CDC14B: variants seen among roughly 807,000 people sequenced by gnomAD.
The protein encoded by CDC14B is cell division cycle 14B, also known as dual specificity protein phosphatase CDC14B.
CDC14B carries 22 observed loss-of-function variants against 64.2 expected under a neutral mutation model. The ratio of observed to expected loss-of-function variants is 0.34; its 90% CI spans 0.24 to 0.49. The LOEUF is 0.49. CDC14B is among the 20% of genes least tolerant of loss of function. The pLI is 0.99. For missense variants in CDC14B, 498 were observed against 629.9 expected, an observed-to-expected ratio of 0.79 and a Z score of 2.24; for synonymous variants, 191 against 215.8, an observed-to-expected ratio of 0.89 and a Z score of 1.01.
At chr9:96,581,614 T>G (rs1407898101) in intron 1 of CDC14B, among the ~76,000 whole-genome samples, 1 of 152,106 alleles carries the variant, frequency 6.6e-6, no homozygotes, top group Non-Finnish European at 1.5e-5. Context: ...TTACAGTGGT[T>G]ATCAAGGATT....
At position 96,600,631 on chromosome 9, in the gene CDC14B, CA is replaced by C. The variant is rs1846373474; in HGVS notation, c.160+18587del. 2.0e-5 allele frequency among the ~76,000 whole-genome samples: 3 copies of C among 152,000 alleles called. No homozygotes were observed. In the South Asian group the frequency reaches 6.2e-4, roughly 32 times the overall value. On this transcript the variant is annotated intron_variant, in intron 1 of 13. Transcript: ENST00000375241. ...GATTCTCCGGCCTCAGCCTCCTGAG[CA>C]GCTGGGATAACAGGTGTGCGCCACC...
In CDC14B at chr9:96,509,798, A is replaced by C; in HGVS notation, c.1344-9T>G. 1 of 1,519,296 alleles carries C rather than the reference A, an allele frequency of 6.6e-7. No homozygotes were observed. The highest frequency in any genetic ancestry group is 9.1e-7 in the Non-Finnish European group (1 of 1,097,910). The allele number at this position is 1,519,296 out of a possible 1,614,324, so 94.1% of individuals were successfully genotyped here. A position where few individuals can be genotyped will look rare whatever the true frequency, so the allele number is the denominator to read the frequency against. On this transcript the variant is annotated splice_polypyrimidine_tract_variant and intron_variant, in intron 12 of 13. Transcript: ENST00000375241. ...TGGATTGAAGAATTACTCTGAAAATAGTTGGAAAAAAATAAGATTATATTC... is the reference window on the plus strand; with the variant it reads ...TGGATTGAAGAATTACTCTGAAAATCGTTGGAAAAAAATAAGATTATATTC...
intron 1 of CDC14B, among the ~76,000 whole-genome samples, chr9:96,571,449 C>G (rs1237061862): frequency 1.3e-5 from 2 of 152,096 alleles, no homozygotes; most frequent in Non-Finnish European, 2.9e-5. Context: ...TTTGGGATTA[C>G]AGGGGTGAGC....
intron 1 of CDC14B, among the ~76,000 whole-genome samples, chr9:96,613,659 G>T (rs1243502229): frequency 6.6e-6 from 1 of 152,198 alleles, no homozygotes; most frequent in Admixed American, 6.5e-5. Context: ...AAATTTAAGT[G>T]TAAGTAAAGG....
chr9:96,521,346 T>C (rs549635768), intron 12 of CDC14B, among the ~76,000 whole-genome samples: 32 of 152,298 alleles, frequency 2.1e-4, no homozygotes, highest in African/African-American at 7.7e-4. Context: ...CCCAAAGTGC[T>C]GGGATTACAG....
intron 1 of CDC14B, among the ~76,000 whole-genome samples, chr9:96,607,405 C>T (rs1336392019): frequency 1.5e-5 from 2 of 133,996 alleles, no homozygotes; most frequent in Non-Finnish European, 3.2e-5. Flanking sequence ...TCAGGTTAAA[C>T]GTGATGTCTT....
chr9:96,548,801 TAA>T (rs1308254532), intron 5 of CDC14B, among the ~76,000 whole-genome samples: 13 of 139,770 alleles, frequency 9.3e-5, no homozygotes, highest in South Asian at 2.3e-4. Flanking sequence ...AATCTGTCTT[TAA>T]AAAAAAAAAA....
intron 4 of CDC14B, among the ~76,000 whole-genome samples, chr9:96,557,593 T>C (rs1304316025): frequency 3.3e-5 from 5 of 152,226 alleles, no homozygotes; most frequent in Admixed American, 6.5e-5. Flanking sequence ...GCTCTTATCA[T>C]AACTGTAGAG....
At chr9:96,576,756 T>C (rs1023192933) in intron 1 of CDC14B, among the ~76,000 whole-genome samples, 4 of 151,640 alleles carry the variant, frequency 2.6e-5, no homozygotes, top group Middle Eastern at 3.4e-3. Context: ...TCCATAATCA[T>C]AGAAGACTAA....
At chr9:96,538,800 G>T in intron 7 of CDC14B, 1 of 279,176 alleles carries the variant, frequency 3.6e-6, no homozygotes, top group South Asian at 5.6e-5. Context: ...AACCATCAGA[G>T]GATAAGTAAA....
At chr9:96,618,655 G>T (rs767071942) in intron 1 of CDC14B, 6 of 522,540 alleles carry the variant, frequency 1.1e-5, no homozygotes, top group Non-Finnish European at 1.5e-5. Context: ...GGGGCAGGGC[G>T]CGGGAGGCCC....
At position 96,522,147 on chromosome 9, in the gene CDC14B, T is replaced by C. The variant is rs550188171; in HGVS notation, c.1343+359A>G. On this transcript the variant is annotated intron_variant, in intron 12 of 13. Transcript: ENST00000375241. ...ATGTCATGCTTATCAAAACAAATGA[T>C]CTGCAACATGGCAAATGTAAAGAAA... Among the ~76,000 whole-genome samples, 3 of 152,336 alleles carry C rather than the reference T, an allele frequency of 2.0e-5. No homozygotes were observed. The South Asian group carries it at 6.2e-4, about 32-fold the overall frequency.
chr9:96,582,830 T>TTAGTAAA (rs1157572976), intron 1 of CDC14B, among the ~76,000 whole-genome samples: 1 of 152,246 alleles, frequency 6.6e-6, no homozygotes, highest in Non-Finnish European at 1.5e-5. Context: ...ACTAATTAAA[T>TTAGTAAA]TGATCAGGAT....
rs967971770 is a variant in CDC14B, at chr9:96,567,024, GCGA to G, written c.161-1544_161-1542del. ...CCAAGTCCTGGAAAAAGCCCCGCGC[GCGA>G]CGAGGCCGTGGGGACGGACAGCACC... On this transcript the variant is annotated intron_variant, in intron 1 of 13. Coordinates refer to ENST00000375241, the MANE Select transcript of CDC14B (RefSeq NM_033331.4). The G allele has an allele frequency of 1.3e-5, 17 of 1,352,390 alleles. No homozygotes were observed. In the African/African-American group the frequency reaches 1.6e-4, roughly 13 times the overall value. The allele number at this position is 1,352,390 out of a possible 1,614,324, so 83.8% of individuals were successfully genotyped here. A position where few individuals can be genotyped will look rare whatever the true frequency, so the allele number is the denominator to read the frequency against.
At position 96,503,198 on chromosome 9, in the gene CDC14B, G is replaced by A. The variant is rs1833708730; in HGVS notation, c.*555C>T. The A allele has an allele frequency of 7.0e-6, 2 of 285,500 alleles. No homozygotes were observed. The highest frequency in any genetic ancestry group is 1.3e-5 in the Non-Finnish European group (2 of 155,708). 17.7% of individuals were successfully genotyped at this position (285,500 alleles called of 1,614,324 possible). On this transcript the variant is annotated 3_prime_UTR_variant, in exon 14 of 14. Transcript: ENST00000375241. ...TCTTGTTAATAAAGCACTCTTTGGT[G>A]GAAGACAAGCAGCTTGGGTACTTAA... is the stretch of plus-strand genomic sequence containing the variant.
Position 96,523,131 on chromosome 9 carries a change from A to G in CDC14B, c.1245+130T>C. On this transcript the variant is annotated intron_variant, in intron 11 of 13. Coordinates refer to ENST00000375241, the MANE Select transcript of CDC14B (RefSeq NM_033331.4). Reference sequence around the variant, plus strand: ...GGGTAAAAAGTGCCTAGAGAGGGTTATAAATATAAAAAACTGACAATCATC... The same window carrying G: ...GGGTAAAAAGTGCCTAGAGAGGGTTGTAAATATAAAAAACTGACAATCATC... 7 of 996,590 alleles carry G rather than the reference A, an allele frequency of 7.0e-6. No individual in the cohort carries two copies. The South Asian group carries it at 1.1e-4, about 16-fold the overall frequency. The allele number at this position is 996,590 out of a possible 1,614,324, so 61.7% of individuals were successfully genotyped here.
At chr9:96,516,825 CTT>C (rs1400001182) in intron 12 of CDC14B, among the ~76,000 whole-genome samples, 1 of 151,632 alleles carries the variant, frequency 6.6e-6, no homozygotes, top group Non-Finnish European at 1.5e-5. Flanking sequence ...GAGTTTCACT[CTT>C]GTCGCCCAGG....
rs988918928 is a variant in CDC14B at position 96,557,578 on chromosome 9, C to T, written c.420+5115G>A. 2.0e-5 allele frequency among the ~76,000 whole-genome samples: 3 copies of T among 152,084 alleles called. No homozygotes were observed. The East Asian group carries it at 5.8e-4, about 29-fold the overall frequency. On this transcript the variant is annotated intron_variant, in intron 4 of 13. Transcript: ENST00000375241. ...AAGATCATCATTAAATAACAAAGTCCCTGAGCTCTTATCATAACTGTAGAG... is the reference window on the plus strand; with the variant it reads ...AAGATCATCATTAAATAACAAAGTCTCTGAGCTCTTATCATAACTGTAGAG...
chr9:96,548,801 TAAA>T (rs1308254532), intron 5 of CDC14B, among the ~76,000 whole-genome samples: 1 of 139,870 alleles, frequency 7.1e-6, no homozygotes, highest in African/African-American at 2.6e-5. Flanking sequence ...AATCTGTCTT[TAAA>T]AAAAAAAAAA....
Sources: allele counts gnomAD v4.1 joint callset (sites outside exome capture counted in the v4.1 genomes callset), GRCh38; gene constraint gnomAD v4.1.1; transcripts MANE v1.5; gene names NCBI Gene and HGNC (gene_info 2026-07-23, HGNC 2026-07-21).